LOC112694756: variants seen among roughly 807,000 people sequenced by gnomAD.
the LOC112694756 span, among the ~76,000 whole-genome samples, chr16:30,061,968 C>T: frequency 1.1e-3 from 166 of 151,546 alleles, no homozygotes; most frequent in South Asian, 1.5e-3. Context: ...TTTGGGAGGC[C>T]GAGGTGGGCG....
the LOC112694756 span, chr16:30,069,977 GGAA>G: frequency 1.3e-5 from 21 of 1,613,794 alleles, no homozygotes; most frequent in East Asian, 2.2e-5. Flanking sequence ...GCCTGGGGCG[GGAA>G]GAAGGAGAAC....
chr16:30,056,798 ATGT>A, the LOC112694756 span, among the ~76,000 whole-genome samples: 1 of 151,682 alleles, frequency 6.6e-6, no homozygotes, highest in African/African-American at 2.4e-5. Flanking sequence ...ATGGGGTTTC[ATGT>A]TGTTGCCCAG....
chr16:30,067,091 C>T, the LOC112694756 span: 1 of 1,568,630 alleles, frequency 6.4e-7, no homozygotes, highest in Non-Finnish European at 8.6e-7. Context: ...GAGCTGGGGA[C>T]CAGAAGTGCC....
the LOC112694756 span, chr16:30,068,779 C>T: frequency 6.2e-7 from 1 of 1,614,182 alleles, no homozygotes; most frequent in Middle Eastern, 1.6e-4. Context: ...AACCACATGC[C>T]CCTCCCCACC....
At chr16:30,061,603 A>G in the LOC112694756 span, among the ~76,000 whole-genome samples, 2 of 111,526 alleles carry the variant, frequency 1.8e-5, no homozygotes, top group Non-Finnish European at 3.3e-5. Flanking sequence ...TCTGTTGCCC[A>G]GGCTGGAGTG....
chr16:30,068,574 GC>G, the LOC112694756 span: 1 of 1,548,400 alleles, frequency 6.5e-7, no homozygotes, highest in Non-Finnish European at 8.9e-7. Flanking sequence ...CTGTACTCCA[GC>G]CGGGGCGACA....
chr16:30,056,106 T>G, the LOC112694756 span, among the ~76,000 whole-genome samples: 4 of 122,784 alleles, frequency 3.3e-5, no homozygotes, highest in Non-Finnish European at 6.8e-5. Flanking sequence ...CCAGCCATGG[T>G]TTTTTTTTTT....
chr16:30,054,503 G>A, the LOC112694756 span: 1,459 of 277,628 alleles, frequency 5.3e-3, 17 homozygotes, highest in African/African-American at 0.029. Context: ...TGGCAAGGGA[G>A]TCAGAGACAA....
At chr16:30,070,264 C>T in the LOC112694756 span, 6 of 1,581,022 alleles carry the variant, frequency 3.8e-6, no homozygotes, top group South Asian at 1.1e-5. Context: ...CCCCCTCCCA[C>T]TCTTGAAGAG....
chr16:30,063,140 CA>C, the LOC112694756 span, among the ~76,000 whole-genome samples: 11,098 of 105,626 alleles, frequency 0.11, 497 homozygotes, highest in South Asian at 0.28. Flanking sequence ...GACCCTGTCT[CA>C]AAAAAAAAAA....
the LOC112694756 span, among the ~76,000 whole-genome samples, chr16:30,063,098 A>C: frequency 5.3e-5 from 8 of 151,358 alleles, no homozygotes; most frequent in East Asian, 1.6e-3. Context: ...CCAAGATCGC[A>C]CCATTGCACT....
the LOC112694756 span, chr16:30,054,683 G>C: frequency 2.5e-6 from 1 of 398,256 alleles, no homozygotes; most frequent in Non-Finnish European, 4.4e-6. Context: ...CCATCTGGTG[G>C]CCGTTCCTCT....
chr16:30,054,766 C>T, the LOC112694756 span: 2 of 399,192 alleles, frequency 5.0e-6, no homozygotes, highest in African/African-American at 4.1e-5. Flanking sequence ...GTCACCCCTT[C>T]CTCCTGTACT....
At chr16:30,066,313 G>T in the LOC112694756 span, 4 of 152,522 alleles carry the variant, frequency 2.6e-5, no homozygotes, top group African/African-American at 9.6e-5. Context: ...CCTGGGAAAC[G>T]GGGCGCCCTT....
the LOC112694756 span, chr16:30,070,234 C>T: frequency 2.5e-6 from 4 of 1,611,858 alleles, no homozygotes; most frequent in Non-Finnish European, 3.4e-6. Flanking sequence ...CCCAGGCTGC[C>T]CCCAACACTC....
the LOC112694756 span, among the ~76,000 whole-genome samples, chr16:30,066,479 C>T: frequency 1.3e-5 from 2 of 152,256 alleles, no homozygotes; most frequent in Non-Finnish European, 2.9e-5. Context: ...CCTCCACGTT[C>T]TTGCCCCGTA....
the LOC112694756 span, among the ~76,000 whole-genome samples, chr16:30,060,305 G>A: frequency 6.6e-6 from 1 of 152,120 alleles, no homozygotes; most frequent in Non-Finnish European, 1.5e-5. Flanking sequence ...TATAAATGAG[G>A]AAACTGAGGC....
At chr16:30,057,387 G>A in the LOC112694756 span, among the ~76,000 whole-genome samples, 27 of 152,322 alleles carry the variant, frequency 1.8e-4, no homozygotes, top group African/African-American at 3.6e-4. Context: ...GCTCCACAGC[G>A]TTAGCTGAGG....
the LOC112694756 span, chr16:30,055,294 C>T: frequency 7.5e-6 from 3 of 399,220 alleles, no homozygotes. Context: ...CGGCCCACTT[C>T]CTGGATGCTT....
Sources: allele counts gnomAD v4.1 joint callset (sites outside exome capture counted in the v4.1 genomes callset), GRCh38; gene constraint gnomAD v4.1.1; transcripts MANE v1.5.